Variants in CWC22 observed in about 807,000 individuals in gnomAD.
CWC22 encodes the protein CWC22 spliceosome associated protein.
CWC22 carries 53 observed loss-of-function variants against 117.2 expected under a neutral mutation model. The ratio of observed to expected loss-of-function variants is 0.45; its 90% CI spans 0.36 to 0.57. The LOEUF (loss-of-function observed/expected upper bound fraction) is 0.57. Among genes scored for constraint, CWC22 ranks in the 20% least tolerant of loss-of-function variants. The pLI, the probability that CWC22 is intolerant of heterozygous loss-of-function variation, is 0.00. For missense variants in CWC22, 980 were observed against 1,068.8 expected (o/e 0.92, Z 1.16); for synonymous variants, 360 against 355.6 (o/e 1.01, Z -0.14).
At chr2:180,004,956 C>A (rs1331610546) in intron 1 of CWC22, among the ~76,000 whole-genome samples, 1 of 151,566 alleles carries the variant, frequency 6.6e-6, no homozygotes, top group East Asian at 1.9e-4. Flanking sequence ...CATAGCATGC[C>A]CCTAAAGGAT....
chr2:179,967,589 A>G (rs975014712), intron 11 of CWC22, among the ~76,000 whole-genome samples: 3 of 152,212 alleles, frequency 2.0e-5, no homozygotes, highest in South Asian at 4.1e-4. Context: ...ACTAGTAATC[A>G]ATGTATTCTT....
rs536397634 is a variant in CWC22 at position 179,995,191 on chromosome 2, C to T, written c.-113-1737G>A. Among the ~76,000 whole-genome samples the T allele has an allele frequency of 2.6e-5, 4 of 152,304 alleles. No homozygotes were observed. The East Asian group carries it at 7.7e-4, about 29-fold the overall frequency. On this transcript the variant is annotated intron_variant, in intron 1 of 19. Coordinates refer to ENST00000410053, the MANE Select transcript of CWC22 (RefSeq NM_020943.3). ...TGCCCACAGACTAGTCTATCTAGGACCTTATTATGCCCACAACTATGACAT... is the reference window on the plus strand; with the variant it reads ...TGCCCACAGACTAGTCTATCTAGGATCTTATTATGCCCACAACTATGACAT...
intron 6 of CWC22, 26 bp downstream of exon 6, chr2:179,978,164 C>G (rs1366927251): frequency 1.4e-6 from 2 of 1,470,702 alleles, no homozygotes; most frequent in Non-Finnish European, 1.8e-6. Context: ...CTTAGAAATA[C>G]TACAAATAAA....
At chr2:179,991,765 G>C (rs1223815006) in intron 2 of CWC22, among the ~76,000 whole-genome samples, 1 of 152,106 alleles carries the variant, frequency 6.6e-6, no homozygotes, top group Non-Finnish European at 1.5e-5. Context: ...CCACCTACTA[G>C]GTCCTCAATA....
chr2:179,990,546 CAGAGAGAGAGAGAGAG>C (rs3082436), intron 2 of CWC22, among the ~76,000 whole-genome samples: 1 of 144,948 alleles, frequency 6.9e-6, no homozygotes, highest in South Asian at 2.2e-4. Flanking sequence ...GTGAGACAGA[CAGAGAGAGAGAGAGAG>C]AGAGAGAGAG....
At position 179,945,605 on chromosome 2, in the gene CWC22, G is replaced by A; in HGVS notation, c.2251C>T (p.His751Tyr). ...DRKQKERRQEHGHQETRTERE... is the reference protein window; with the variant it reads ...DRKQKERRQEYGHQETRTERE... ...TCAGTCCTTGTTTCCTGGTGCCCGT[G>A]TTCTTGTCTTCTTTCTTTTTGTTTC... is the stretch of plus-strand genomic sequence containing the variant. Residue 751 changes from histidine (H) to tyrosine (Y), a missense_variant, in exon 20 of 20, where the codon CAC (histidine) becomes TAC (tyrosine). By Grantham distance (83) the His-to-Tyr change is moderately conservative. Around this residue, in one of 3 missense-constraint regions of CWC22, gnomAD observed 306 missense variants for 296.8 expected, o/e 1.03. Coordinates refer to ENST00000410053, the MANE Select transcript of CWC22 (RefSeq NM_020943.3). 6.2e-7 allele frequency: 1 copy of A among 1,613,210 alleles called. No individual in the cohort carries two copies. Among genetic ancestry groups the A allele is most frequent in the Non-Finnish European group, 8.5e-7 (1 of 1,179,530 alleles).
chr2:179,953,635 C>G (rs1166253779), intron 16 of CWC22, among the ~76,000 whole-genome samples: 2 of 152,088 alleles, frequency 1.3e-5, no homozygotes, highest in Non-Finnish European at 2.9e-5. Context: ...TCAATGCCAG[C>G]TTAATGAACG....
At chr2:179,962,500 A>G (rs951684473) in intron 13 of CWC22, among the ~76,000 whole-genome samples, 1 of 152,016 alleles carries the variant, frequency 6.6e-6, no homozygotes, top group East Asian at 1.9e-4. Context: ...ACAATTCTAT[A>G]TAGTTATATA....
At chr2:179,980,377 T>C (rs1256454077) in intron 5 of CWC22, among the ~76,000 whole-genome samples, 1 of 152,098 alleles carries the variant, frequency 6.6e-6, no homozygotes, top group Non-Finnish European at 1.5e-5. Context: ...TTTTAATTTA[T>C]TTCAAATCTT....
intron 11 of CWC22, among the ~76,000 whole-genome samples, chr2:179,968,803 T>C (rs1686958086): frequency 6.6e-6 from 1 of 152,046 alleles, no homozygotes; most frequent in Non-Finnish European, 1.5e-5. Context: ...CCTGACCTCG[T>C]GATCCGCCCA....
chr2:179,945,665 C>T lies in CWC22; in HGVS notation c.2191G>A (p.Asp731Asn). 1 of 1,610,144 alleles carries T rather than the reference C, an allele frequency of 6.2e-7. No homozygotes were observed. ...GTTTGCTGGTTTCTGATCAATTTAT[C>T]TACCTCTTTACTTCTGGTCTTCCCA... ...GHGKTRSKEVDKLIRNQQTND... is the reference protein window; with the variant it reads ...GHGKTRSKEVNKLIRNQQTND... Residue 731 changes from aspartate (D) to asparagine (N), a missense_variant, in exon 20 of 20, where the codon GAT (aspartate) becomes AAT (asparagine). By Grantham distance (23) the Asp-to-Asn change is conservative. Coordinates refer to ENST00000410053, the MANE Select transcript of CWC22 (RefSeq NM_020943.3).
rs771967995 is a variant in CWC22, at chr2:179,986,769, A to G, written c.132T>C (p.Asp44=). ...EEQERSPRDR[D]YFDYSRSDYE... ...AGTCTGATCTGCTGTAATCAAAGTA[A>G]TCTCTATCCCGGGGGGATCGTTCTT... is the stretch of plus-strand genomic sequence containing the variant. The change falls in exon 4 of 20, where the codon GAT becomes GAC. Residue 44 remains aspartate, a synonymous_variant. Coordinates refer to ENST00000410053, the MANE Select transcript of CWC22 (RefSeq NM_020943.3). 9.9e-6 allele frequency: 16 copies of G among 1,608,448 alleles called. No homozygotes were observed. Among genetic ancestry groups the G allele is most frequent in the Middle Eastern group, 3.3e-4 (2 of 6,078 alleles).
intron 2 of CWC22, among the ~76,000 whole-genome samples, chr2:179,988,913 C>A (rs1575655635): frequency 6.6e-6 from 1 of 150,804 alleles, no homozygotes; most frequent in African/African-American, 2.4e-5. Context: ...TTTTTTATTT[C>A]TTTTTATTTT....
At chr2:179,970,891 A>G in intron 9 of CWC22, 35 bp from the exon 10 acceptor site, 11 of 1,607,404 alleles carry the variant, frequency 6.8e-6, no homozygotes, top group Non-Finnish European at 9.4e-6. Context: ...CAATAAAATA[A>G]GCAATAAATA....
At chr2:179,966,700 C>A (rs1216294781) in intron 11 of CWC22, among the ~76,000 whole-genome samples, 4 of 152,108 alleles carry the variant, frequency 2.6e-5, no homozygotes, top group Admixed American at 2.6e-4. Flanking sequence ...TAAAAGCAAA[C>A]AAATGACAAA....
chr2:179,981,665 C>A, intron 5 of CWC22, 87 bp downstream of exon 5: 3 of 1,128,880 alleles, frequency 2.7e-6, no homozygotes, highest in Non-Finnish European at 3.8e-6. Context: ...AACGTAAATT[C>A]TCAAGAACCA....
intron 4 of CWC22, among the ~76,000 whole-genome samples, chr2:179,983,840 T>C (rs1435895339): frequency 6.6e-6 from 1 of 152,142 alleles, no homozygotes; most frequent in Non-Finnish European, 1.5e-5. Context: ...CTTGTGAATA[T>C]ACATGTTCCA....
chr2:179,979,210 C>G (rs1440881527), intron 5 of CWC22, among the ~76,000 whole-genome samples: 1 of 152,076 alleles, frequency 6.6e-6, no homozygotes, highest in African/African-American at 2.4e-5. Flanking sequence ...ACTAATCATA[C>G]TAAAATTCAG....
At chr2:179,995,929 G>A in intron 1 of CWC22, among the ~76,000 whole-genome samples, 1 of 152,210 alleles carries the variant, frequency 6.6e-6, no homozygotes, top group Non-Finnish European at 1.5e-5. Context: ...TCCAGGAGGG[G>A]AGAGAGTCAG....
Sources: allele counts gnomAD v4.1 joint callset (sites outside exome capture counted in the v4.1 genomes callset), GRCh38; gene constraint gnomAD v4.1.1; regional missense constraint gnomAD v4.1.1; transcripts MANE v1.5; gene names NCBI Gene and HGNC (gene_info 2026-07-23, HGNC 2026-07-21).